OGT: variants seen among roughly 807,000 people sequenced by gnomAD.
OGT encodes O-linked N-acetylglucosamine (GlcNAc) transferase, also known as UDP-N-acetylglucosamine--peptide N-acetylglucosaminyltransferase 110 kDa subunit.
Under a neutral mutation model 75.8 loss-of-function variants are expected in OGT, and 3 were observed. The ratio of observed to expected loss-of-function variants is 0.04; its 90% CI spans 0.02 to 0.10. The LOEUF (loss-of-function observed/expected upper bound fraction) is 0.10, where lower values mean the gene tolerates loss of function less well. OGT is among the 10% of genes least tolerant of loss of function. The pLI is 1.00. For synonymous variants in OGT, 257 were observed against 289.7 expected, an observed-to-expected ratio of 0.89 and a Z score of 1.15; for missense variants, 260 against 824.4, an observed-to-expected ratio of 0.32 and a Z score of 8.38.
chrX:71,533,149 T>C lies in OGT; in HGVS notation c.-151T>C. The C allele has an allele frequency of 3.8e-6, 2 of 525,663 alleles. No individual in the cohort carries two copies. The highest frequency in any genetic ancestry group is 6.6e-6 in the Non-Finnish European group (2 of 304,026). The allele number at this position is 525,663 out of a possible 1,213,427, so 43.3% of individuals were successfully genotyped here. A position where few individuals can be genotyped will look rare whatever the true frequency, so the allele number is the denominator to read the frequency against. On this transcript the variant is annotated 5_prime_UTR_variant, in exon 1 of 22. Coordinates refer to ENST00000373719, the MANE Select transcript of OGT (RefSeq NM_181672.3). ...AGATGGTCAATTAGAGTTCCCAGGGTTTGAAGCCTGTAACTGCTGCCGCCG... is the reference window on the plus strand; with the variant it reads ...AGATGGTCAATTAGAGTTCCCAGGGCTTGAAGCCTGTAACTGCTGCCGCCG...
At chrX:71,572,517 C>T (rs779548320) in intron 21 of OGT, among the ~76,000 whole-genome samples, 5 of 112,322 alleles carry the variant, frequency 4.5e-5, no homozygotes, top group African/African-American at 6.5e-5. Flanking sequence ...CCTATAATCC[C>T]GGCGCTTTAA....
chrX:71,570,033 GTTTTTTT>G (rs34416880), intron 21 of OGT, among the ~76,000 whole-genome samples: 5 of 26,498 alleles, frequency 1.9e-4, no homozygotes, highest in Non-Finnish European at 2.5e-4. Context: ...TGTGCCTGGC[GTTTTTTT>G]TTTTTTTTTT....
At chrX:71,553,265 G>A (rs35720004) in intron 5 of OGT, among the ~76,000 whole-genome samples, 2 of 110,953 alleles carry the variant, frequency 1.8e-5, no homozygotes, top group Non-Finnish European at 3.8e-5. Flanking sequence ...CTAATTTTTT[G>A]TATTTTTTAG....
intron 3 of OGT, among the ~76,000 whole-genome samples, chrX:71,543,406 G>A (rs959559758): frequency 9.0e-6 from 1 of 111,140 alleles, no homozygotes; most frequent in African/African-American, 3.3e-5. Flanking sequence ...ATGGACTGAT[G>A]AGTCAGATGA....
chrX:71,552,516 G>GT (rs1387907998), intron 5 of OGT, among the ~76,000 whole-genome samples: 1 of 108,163 alleles, frequency 9.2e-6, no homozygotes, highest in African/African-American at 3.4e-5. Context: ...AGCCTCCGGA[G>GT]TAGGTGGGAC....
intron 11 of OGT, 70 bp from the exon 12 acceptor site, chrX:71,557,423 C>A: frequency 8.9e-7 from 1 of 1,118,574 alleles, no homozygotes; most frequent in Non-Finnish European, 1.2e-6. Flanking sequence ...TACTTTAGGC[C>A]AAAGACATAT....
At chrX:71,563,871 G>A (rs950142502) in intron 18 of OGT, among the ~76,000 whole-genome samples, 7 of 111,592 alleles carry the variant, frequency 6.3e-5, no homozygotes, top group African/African-American at 1.6e-4. Context: ...ATCCATTTCC[G>A]TACTTACCGC....
At chrX:71,544,662 A>G in intron 4 of OGT, 27 bp downstream of exon 4, 1 of 1,138,483 alleles carries the variant, frequency 8.8e-7, no homozygotes, top group Admixed American at 2.2e-5. Flanking sequence ...ACACATTTAA[A>G]CATCAGTATT....
At chrX:71,538,496 A>C (rs1278458532) in intron 3 of OGT, among the ~76,000 whole-genome samples, 1 of 112,462 alleles carries the variant, frequency 8.9e-6, no homozygotes, top group Non-Finnish European at 1.9e-5. Context: ...GAATGATGTG[A>C]AAATTAGGCT....
chrX:71,553,989 C>T (rs1372614014), intron 5 of OGT, among the ~76,000 whole-genome samples: 1 of 111,884 alleles, frequency 8.9e-6, no homozygotes, highest in Non-Finnish European at 1.9e-5. Context: ...TTGAGAATCA[C>T]TGCTCTAGAC....
Position 71,563,144 on chromosome X carries a change from C to T in OGT, c.2163C>T (p.Ile721=), listed in dbSNP as rs776501737. ...TTTTCCATTAGAAAAAAGCAGTCAT[C>T]GATTTTAAGTCCAATGGGCACATTT... ...MFPHLKKKAV[I]DFKSNGHIYD... The change falls in exon 17 of 22, where the codon ATC becomes ATT. Residue 721 remains isoleucine, a synonymous_variant. Transcript: ENST00000373719. The T allele has an allele frequency of 3.3e-6, 4 of 1,208,446 alleles. No individual in the cohort carries two copies. The African/African-American group carries it at 5.2e-5, about 16-fold the overall frequency.
intron 3 of OGT, 58 bp from the exon 4 acceptor site, chrX:71,544,509 A>G (rs1472189405): frequency 9.4e-7 from 1 of 1,060,022 alleles, no homozygotes; most frequent in Admixed American, 2.4e-5. Context: ...AGTGATTTCA[A>G]GATATTTTTA....
At chrX:71,555,487 C>T (rs1237952705) in intron 7 of OGT, 102 bp downstream of exon 7, 6 of 751,290 alleles carry the variant, frequency 8.0e-6, no homozygotes, top group Non-Finnish European at 7.7e-6. Flanking sequence ...TTCGGGAGGC[C>T]GAGATCAGAG....
chrX:71,564,566 C>G, intron 18 of OGT, 35 bp from the exon 19 acceptor site: 1 of 1,157,062 alleles, frequency 8.6e-7, no homozygotes, highest in South Asian at 1.9e-5. Flanking sequence ...CTCCTTTTGC[C>G]TTTAAATATA....
At chrX:71,548,057 A>G (rs753231406) in intron 5 of OGT, 34 bp downstream of exon 5, 9 of 1,180,055 alleles carry the variant, frequency 7.6e-6, no homozygotes, top group Non-Finnish European at 1.0e-5. Context: ...GTATTTTTGA[A>G]GTGCTTACGC....
chrX:71,539,784 A>G (rs753637080), intron 3 of OGT, among the ~76,000 whole-genome samples: 4 of 111,690 alleles, frequency 3.6e-5, no homozygotes, highest in Non-Finnish European at 7.5e-5. Context: ...TTTATTAATC[A>G]GGTTGATTCT....
intron 4 of OGT, chrX:71,547,372 C>T: frequency 2.9e-6 from 2 of 685,600 alleles, no homozygotes; most frequent in Non-Finnish European, 3.5e-6. Context: ...TCAGGGAACC[C>T]TGTTACACTA....
At chrX:71,559,163 C>A in intron 12 of OGT, 104 bp from the exon 13 acceptor site, 1 of 744,738 alleles carries the variant, frequency 1.3e-6, no homozygotes, top group Non-Finnish European at 2.0e-6. Context: ...CTGGGCAGAC[C>A]TTTTTCAACA....
Position 71,570,500 on chromosome X carries a change from T to C in OGT, c.2966+2384T>C, listed in dbSNP as rs1410848339. Reference sequence around the variant, plus strand: ...CTCCTACTTATGAGTTTTGAGACTTTGGGCAAATAAATCTCTGTGTTGTGC... The same window carrying C: ...CTCCTACTTATGAGTTTTGAGACTTCGGGCAAATAAATCTCTGTGTTGTGC... On this transcript the variant is annotated intron_variant, in intron 21 of 21. Coordinates refer to ENST00000373719, the MANE Select transcript of OGT (RefSeq NM_181672.3). Among the ~76,000 whole-genome samples, 7 of 111,976 alleles carry C rather than the reference T, an allele frequency of 6.3e-5. No individual in the cohort carries two copies. The South Asian group carries it at 1.1e-3, about 18-fold the overall frequency.
Sources: gnomAD v4.1 joint callset for allele counts (sites outside exome capture counted in the v4.1 genomes callset) on GRCh38, gnomAD v4.1.1 for gene constraint, MANE v1.5 for transcripts, NCBI Gene and HGNC (gene_info 2026-07-23, HGNC 2026-07-21) for gene names.